Variants in LMO7 observed in about 807,000 individuals in gnomAD.
LMO7 encodes the protein LIM domain 7, also known as LIM domain only protein 7.
Under a neutral mutation model 206.5 loss-of-function variants are expected in LMO7, and 120 were observed. The ratio of observed to expected loss-of-function variants is 0.58; its 90% CI spans 0.50 to 0.68. LMO7 has a LOEUF of 0.68. Among genes scored for constraint, LMO7 ranks in the 30% least tolerant of loss-of-function variants. LMO7 has a pLI of 0.00. For synonymous variants in LMO7, 706 were observed against 681.5 expected, an observed-to-expected ratio of 1.04 and a Z score of -0.56; for missense variants, 1,959 against 1,957.9, an observed-to-expected ratio of 1.00 and a Z score of -0.01.
chr13:75,827,446 A>G (rs1045219969), intron 15 of LMO7, among the ~76,000 whole-genome samples: 5 of 152,320 alleles, frequency 3.3e-5, no homozygotes, highest in Admixed American at 2.6e-4. Flanking sequence ...AGAACTTAAT[A>G]TGGTCTTATT....
At chr13:75,805,243 C>A in intron 8 of LMO7, 1 of 1,085,496 alleles carries the variant, frequency 9.2e-7, no homozygotes, top group Non-Finnish European at 1.2e-6. Context: ...TGTGCCTCTT[C>A]CTTTTAACAC....
At position 75,691,504 on chromosome 13, in the gene LMO7, G is replaced by C. The variant is rs986103341; in HGVS notation, c.70-21678G>C. Among the ~76,000 whole-genome samples, 4 of 152,216 alleles carry C rather than the reference G, an allele frequency of 2.6e-5. No homozygotes were observed. In the East Asian group the frequency reaches 7.7e-4, roughly 29 times the overall value. Reference sequence around the variant, plus strand: ...TTTCATCATCAGCCTGAACACTCAGGCTCCCTGTCCAGTTCCCATGCTTCC... The same window carrying C: ...TTTCATCATCAGCCTGAACACTCAGCCTCCCTGTCCAGTTCCCATGCTTCC... On this transcript the variant is annotated intron_variant, in intron 1 of 30. Coordinates refer to ENST00000377534, the MANE Select transcript of LMO7 (RefSeq NM_001306080.2).
Position 75,747,027 on chromosome 13 carries a change from C to T in LMO7, c.211-13905C>T, listed in dbSNP as rs79288564. 9.0e-3 allele frequency among the ~76,000 whole-genome samples: 1,366 copies of T among 151,942 alleles called. 47 individuals are homozygous for T. Among genetic ancestry groups the T allele is most frequent in the East Asian group, 0.076 (391 of 5,166 alleles). On this transcript the variant is annotated intron_variant, in intron 3 of 30. Transcript: ENST00000377534. ...GCAAACATACTTAGTCCGGTTTGTA[C>T]ATGTTGAAGCAATAAAGTGTAGCTA... is the stretch of plus-strand genomic sequence containing the variant.
chr13:75,625,430 TGTGTG>T (rs1276444281), intron 2 of LMO7, among the ~76,000 whole-genome samples: 16 of 2,102 alleles, frequency 7.6e-3, no homozygotes, highest in Non-Finnish European at 0.041. Flanking sequence ...TGTGTGCATG[TGTGTG>T]TGTGTGTGTG....
chr13:75,640,325 A>T lies in LMO7; in HGVS notation c.69+3599A>T, dbSNP rs375123862. On this transcript the variant is annotated intron_variant, in intron 1 of 30. Transcript: ENST00000377534. ...CTTAATCTCCCCTGGTAGTTGTACC[A>T]GTTAAATGGATGCTGATGGTAGAGC... Among the ~76,000 whole-genome samples the T allele has an allele frequency of 2.2e-4, 33 of 152,262 alleles. No homozygotes were observed. In the South Asian group the frequency reaches 6.8e-3, roughly 32 times the overall value.
intron 1 of LMO7, among the ~76,000 whole-genome samples, chr13:75,702,356 G>A (rs1463956724): frequency 6.6e-6 from 1 of 152,146 alleles, no homozygotes; most frequent in African/African-American, 2.4e-5. Context: ...GGGGTAGCAG[G>A]CAGAAGGGTA....
chr13:75,774,438 T>C (rs2120068), intron 4 of LMO7, among the ~76,000 whole-genome samples: 60,062 of 151,986 alleles, frequency 0.4, 12,483 homozygotes, highest in East Asian at 0.61. Flanking sequence ...GTTCACCAGT[T>C]GATGGACATT....
At position 75,835,232 on chromosome 13, in the gene LMO7, G is replaced by C. The variant is rs2059025907; in HGVS notation, c.3227-1G>C. 3 of 1,611,894 alleles carry C rather than the reference G, an allele frequency of 1.9e-6. No individual in the cohort carries two copies. The South Asian group carries it at 3.3e-5, about 18-fold the overall frequency. On this transcript the variant is annotated splice_acceptor_variant, in intron 17 of 30. Coordinates refer to ENST00000377534, the MANE Select transcript of LMO7 (RefSeq NM_001306080.2). LOFTEE classifies it high-confidence loss of function. The stretch of plus-strand genomic sequence containing the variant: ...CACCAGTATGGCTACCAAAATTATA[G>C]GTTCACCTGAAACAAAGTGGATTGA...
intron 3 of LMO7, among the ~76,000 whole-genome samples, chr13:75,745,442 T>C (rs574645463): frequency 2.5e-4 from 38 of 152,278 alleles, no homozygotes; most frequent in African/African-American, 8.9e-4. Context: ...TTAAGAATAA[T>C]ACAAAATCAG....
intron 4 of LMO7, among the ~76,000 whole-genome samples, chr13:75,778,639 G>A (rs1384013709): frequency 1.3e-5 from 2 of 152,206 alleles, no homozygotes; most frequent in Non-Finnish European, 2.9e-5. Context: ...CGTTCCAGGC[G>A]TTTCACTTAA....
intron 1 of LMO7, among the ~76,000 whole-genome samples, chr13:75,712,242 A>C (rs1298881599): frequency 6.6e-6 from 1 of 152,134 alleles, no homozygotes; most frequent in Non-Finnish European, 1.5e-5. Context: ...TCAGAAATGT[A>C]TTTCTTTCTG....
chr13:75,730,215 C>T (rs1246309994), intron 3 of LMO7, among the ~76,000 whole-genome samples: 2 of 152,138 alleles, frequency 1.3e-5, no homozygotes, highest in African/African-American at 4.8e-5. Flanking sequence ...ACCAGTTCCT[C>T]CTTGTACCTC....
chr13:75,659,576 T>C (rs1471160223), intron 1 of LMO7, among the ~76,000 whole-genome samples: 1 of 143,836 alleles, frequency 7.0e-6, no homozygotes, highest in Non-Finnish European at 1.5e-5. Context: ...TCATATCTCG[T>C]GAGACTTATT....
chr13:75,794,958 C>T (rs2053775765), intron 4 of LMO7, among the ~76,000 whole-genome samples: 1 of 152,132 alleles, frequency 6.6e-6, no homozygotes, highest in South Asian at 2.1e-4. Flanking sequence ...CCCATCAGTG[C>T]AAAAAACCCC....
At chr13:75,724,004 G>C (rs1017546228) in intron 2 of LMO7, among the ~76,000 whole-genome samples, 1 of 152,050 alleles carries the variant, frequency 6.6e-6, no homozygotes, top group Non-Finnish European at 1.5e-5. Context: ...CAGCTTTCAG[G>C]AGCCTCTTTT....
At position 75,813,427 on chromosome 13, in the gene LMO7, G is replaced by T. The variant is rs114775128; in HGVS notation, c.1947-3734G>T. On this transcript the variant is annotated intron_variant, in intron 11 of 30. Coordinates refer to ENST00000377534, the MANE Select transcript of LMO7 (RefSeq NM_001306080.2). ...CTCACTTAGCAGGTGAGAAATGGGG[G>T]CTCGGAAGTGATCTGATGTGTGTTA... Among the ~76,000 whole-genome samples, 659 of 152,288 alleles carry T rather than the reference G, an allele frequency of 4.3e-3. 4 individuals are homozygous for T. The highest frequency in any genetic ancestry group is 0.015 in the African/African-American group (630 of 41,574).
chr13:75,647,951 C>CT lies in LMO7; in HGVS notation c.69+11243dup, dbSNP rs570513211. 4.5e-3 allele frequency among the ~76,000 whole-genome samples: 411 copies of CT among 91,150 alleles called. 14 individuals are homozygous for CT. The highest frequency in any genetic ancestry group is 0.015 in the African/African-American group (360 of 24,682). The allele number at this position is 91,150 out of a possible 152,430, so 59.8% of individuals were successfully genotyped here. ...GATTTTCTCTTGTTTTCTTTTCTTTCTTTTTTTTTTTTTTTTTTGAGACAG... is the reference window on the plus strand; with the variant it reads ...GATTTTCTCTTGTTTTCTTTTCTTTCTTTTTTTTTTTTTTTTTTTGAGACAG... On this transcript the variant is annotated intron_variant, in intron 1 of 30. Coordinates refer to ENST00000377534, the MANE Select transcript of LMO7 (RefSeq NM_001306080.2).
chr13:75,805,177 C>G (rs2055281333), intron 8 of LMO7: 2 of 1,181,912 alleles, frequency 1.7e-6, no homozygotes, highest in Non-Finnish European at 2.1e-6. Context: ...CTGGATCTGG[C>G]TGTCTATTAT....
At position 75,838,176 on chromosome 13, in the gene LMO7, G is replaced by A. The variant is rs760433267; in HGVS notation, c.3431G>A (p.Arg1144Gln). Residue 1144 changes from arginine to glutamine, a missense_variant, in exon 20 of 31, where the codon CGA (arginine) becomes CAA (glutamine). Transcript: ENST00000377534. ...ATTTCTTTGAAAAACTTAAAAAGGC[G>A]ATCACAATTTTTTGAACAAGGTAAA... ...ESISLKNLKR[R>Q]SQFFEQGSSD... is the part of the protein sequence containing the mutation. 6.2e-6 allele frequency: 10 copies of A among 1,606,546 alleles called. No individual in the cohort carries two copies. In the Admixed American group the frequency reaches 6.7e-5, roughly 11 times the overall value.
Sources: allele counts gnomAD v4.1 joint callset (sites outside exome capture counted in the v4.1 genomes callset), GRCh38; gene constraint gnomAD v4.1.1; transcripts MANE v1.5; gene names NCBI Gene and HGNC (gene_info 2026-07-23, HGNC 2026-07-21).